Variants in AMN1 observed in about 807,000 individuals in gnomAD.
The protein encoded by AMN1 is antagonist of mitotic exit network 1 homolog, also known as protein AMN1 homolog.
A neutral mutation model predicts 33.0 loss-of-function variants in AMN1; 20 were observed. That is an observed-to-expected ratio of 0.61 (90% CI 0.43 to 0.88). The LOEUF (loss-of-function observed/expected upper bound fraction) is 0.88, where lower values mean the gene tolerates loss of function less well. Ranked by LOEUF, AMN1 falls within the 40% of genes least tolerant of loss-of-function variation. The probability of loss-of-function intolerance (pLI) is 0.00; values close to 1 mark genes in which losing one functional copy is unlikely to be tolerated. For missense variants in AMN1, 246 were observed against 307.4 expected, an observed-to-expected ratio of 0.80 and a Z score of 1.49; for synonymous variants, 114 against 111.9, an observed-to-expected ratio of 1.02 and a Z score of -0.12.
chr12:31,722,096 C>T (rs1358825564), intron 1 of AMN1, among the ~76,000 whole-genome samples: 1 of 151,284 alleles, frequency 6.6e-6, no homozygotes, highest in African/African-American at 2.4e-5. Context: ...TGTGGTCCCT[C>T]TTACTTCTGA....
intron 6 of AMN1, among the ~76,000 whole-genome samples, chr12:31,677,402 A>G (rs1937777196): frequency 6.6e-6 from 1 of 152,178 alleles, no homozygotes; most frequent in Non-Finnish European, 1.5e-5. Flanking sequence ...TCACCTTCCT[A>G]TTTGTTTCTC....
At chr12:31,707,731 ATT>A (rs935522181) in intron 2 of AMN1, among the ~76,000 whole-genome samples, 1 of 152,090 alleles carries the variant, frequency 6.6e-6, no homozygotes, top group African/African-American at 2.4e-5. Context: ...TTTTGCTTGG[ATT>A]TTCAGTCTCC....
Position 31,676,844 on chromosome 12 carries a change from T to C in AMN1, c.704-4467A>G, listed in dbSNP as rs1024543004. Among the ~76,000 whole-genome samples the C allele has an allele frequency of 4.0e-5, 6 of 151,806 alleles. 1 individual carries two copies. The highest frequency in any genetic ancestry group is 1.2e-4 in the African/African-American group (5 of 41,124). On this transcript the variant is annotated intron_variant, in intron 6 of 6. Coordinates refer to ENST00000281471, the MANE Select transcript of AMN1 (RefSeq NM_001113402.2). ...AAAAATTTTTGATGCCAGATGGCAG[T>C]GTTATATTACAGTCTCCTTAGGCAG...
At chr12:31,705,032 T>A (rs1939165074) in intron 2 of AMN1, among the ~76,000 whole-genome samples, 1 of 152,206 alleles carries the variant, frequency 6.6e-6, no homozygotes, top group Non-Finnish European at 1.5e-5. Flanking sequence ...GAGATATTAT[T>A]CTACTTCCAC....
At chr12:31,722,021 G>A (rs1939893794) in intron 1 of AMN1, among the ~76,000 whole-genome samples, 2 of 152,100 alleles carry the variant, frequency 1.3e-5, no homozygotes, top group Admixed American at 6.6e-5. Flanking sequence ...TTGCATGCTG[G>A]TCTTGTGCTT....
At chr12:31,673,152 CTTGTTTCCA>C (rs1388555411) in intron 6 of AMN1, 6 of 151,464 alleles carry the variant, frequency 4.0e-5, no homozygotes, top group African/African-American at 1.5e-4. Flanking sequence ...GTTTAATAAA[CTTGTTTCCA>C]TAGATACAAC....
chr12:31,714,017 T>C (rs1313855682), intron 1 of AMN1, among the ~76,000 whole-genome samples: 1 of 152,036 alleles, frequency 6.6e-6, no homozygotes, highest in Non-Finnish European at 1.5e-5. Flanking sequence ...TATCTATAAA[T>C]AAATTATTGA....
At chr12:31,681,166 A>T (rs771311102) in intron 6 of AMN1, among the ~76,000 whole-genome samples, 1 of 152,136 alleles carries the variant, frequency 6.6e-6, no homozygotes, top group Non-Finnish European at 1.5e-5. Flanking sequence ...TATTTAAAAA[A>T]TTTATTTTTT....
At chr12:31,675,181 G>A (rs572661838) in intron 6 of AMN1, among the ~76,000 whole-genome samples, 17 of 151,702 alleles carry the variant, frequency 1.1e-4, no homozygotes, top group Non-Finnish European at 2.4e-4. Context: ...ATTTTGGGAG[G>A]CCAAGGCGGG....
At chr12:31,684,638 T>G (rs931248663) in intron 6 of AMN1, among the ~76,000 whole-genome samples, 1 of 151,992 alleles carries the variant, frequency 6.6e-6, no homozygotes, top group East Asian at 1.9e-4. Flanking sequence ...GCCCGGCTAA[T>G]TTTTTTGTAT....
rs899777833 is a variant in AMN1, at chr12:31,699,874, C to T, written c.317-1917G>A. ...GTGTCAGAATTGAATTAAATTGTAG[C>T]GCACCCAGCTGGTGTCCAGAGAGTT... On this transcript the variant is annotated intron_variant, in intron 3 of 6. Coordinates refer to ENST00000281471, the MANE Select transcript of AMN1 (RefSeq NM_001113402.2). 2.6e-5 allele frequency among the ~76,000 whole-genome samples: 4 copies of T among 152,174 alleles called. No individual in the cohort carries two copies. In the South Asian group the frequency reaches 6.2e-4, roughly 24 times the overall value.
intron 3 of AMN1, among the ~76,000 whole-genome samples, chr12:31,698,513 C>A (rs80316591): frequency 0.014 from 2,064 of 152,110 alleles, 48 homozygotes; most frequent in African/African-American, 0.047. Context: ...TTACATTTTC[C>A]TGAGGGTCAA....
intron 6 of AMN1, among the ~76,000 whole-genome samples, chr12:31,677,807 C>G (rs964459632): frequency 1.3e-5 from 2 of 152,148 alleles, no homozygotes; most frequent in African/African-American, 4.8e-5. Context: ...AAACTAGAAC[C>G]CTTTTCCCCA....
At chr12:31,684,963 T>C (rs945861754) in intron 6 of AMN1, among the ~76,000 whole-genome samples, 4 of 152,010 alleles carry the variant, frequency 2.6e-5, no homozygotes, top group African/African-American at 9.7e-5. Flanking sequence ...CTAAGATGCT[T>C]CTTAAGTGAG....
chr12:31,697,287 G>A (rs1030252945), intron 5 of AMN1, 74 bp downstream of exon 5: 45 of 1,345,186 alleles, frequency 3.3e-5, no homozygotes, highest in Non-Finnish European at 4.6e-5. Context: ...TTGGTTATCC[G>A]CTAGGTTTTA....
At chr12:31,713,456 T>C (rs1168762786) in intron 1 of AMN1, among the ~76,000 whole-genome samples, 2 of 152,208 alleles carry the variant, frequency 1.3e-5, no homozygotes, top group African/African-American at 2.4e-5. Flanking sequence ...TACAGAAATA[T>C]AAAACAGGGT....
chr12:31,724,652 A>G (rs1232331174), intron 1 of AMN1, among the ~76,000 whole-genome samples: 1 of 152,208 alleles, frequency 6.6e-6, no homozygotes, highest in Non-Finnish European at 1.5e-5. Context: ...ATATTTCAAT[A>G]TGTTACCTTT....
chr12:31,720,067 T>C (rs946628999), intron 1 of AMN1, among the ~76,000 whole-genome samples: 1 of 152,244 alleles, frequency 6.6e-6, no homozygotes, highest in African/African-American at 2.4e-5. Context: ...TTTGACATTG[T>C]CAACATACAT....
At chr12:31,727,744 T>C (rs2139741593) in intron 1 of AMN1, among the ~76,000 whole-genome samples, 1 of 152,334 alleles carries the variant, frequency 6.6e-6, no homozygotes, top group South Asian at 2.1e-4. Context: ...TTATTTTATT[T>C]TTTTGAGACA....
Sources: gnomAD v4.1 joint callset for allele counts (sites outside exome capture counted in the v4.1 genomes callset) on GRCh38, gnomAD v4.1.1 for gene constraint, MANE v1.5 for transcripts, NCBI Gene and HGNC (gene_info 2026-07-23, HGNC 2026-07-21) for gene names.